Variants in GPR158 observed in about 807,000 individuals in gnomAD.
The protein encoded by GPR158 is metabotropic glycine receptor.
In GPR158, 30 loss-of-function variants were observed where a neutral mutation model predicts 78.2. The observed-to-expected ratio is 0.38, with a 90% confidence interval of 0.29 to 0.52. The LOEUF is 0.52. Among genes scored for constraint, GPR158 ranks in the 20% least tolerant of loss-of-function variants. GPR158 has a pLI of 0.83. For synonymous variants in GPR158, 581 were observed against 591.1 expected, an observed-to-expected ratio of 0.98 and a Z score of 0.25; for missense variants, 1,463 against 1,523.5, an observed-to-expected ratio of 0.96 and a Z score of 0.66.
At chr10:25,453,516 A>G (rs1336650293) in intron 4 of GPR158, among the ~76,000 whole-genome samples, 1 of 152,190 alleles carries the variant, frequency 6.6e-6, no homozygotes, top group Admixed American at 6.6e-5. Flanking sequence ...ACATTTTCAT[A>G]TACCAGTTGG....
At chr10:25,346,172 C>G (rs1855368393) in intron 2 of GPR158, among the ~76,000 whole-genome samples, 1 of 151,814 alleles carries the variant, frequency 6.6e-6, no homozygotes, top group Non-Finnish European at 1.5e-5. Context: ...AAAAGAGTAT[C>G]AAATAGCCAT....
chr10:25,331,752 A>G (rs1057107630), intron 2 of GPR158, among the ~76,000 whole-genome samples: 5 of 152,144 alleles, frequency 3.3e-5, no homozygotes, highest in Non-Finnish European at 5.9e-5. Flanking sequence ...TTTGTTCTCT[A>G]CATCAGGGCA....
intron 4 of GPR158, among the ~76,000 whole-genome samples, chr10:25,443,860 C>T (rs1835102564): frequency 6.6e-6 from 1 of 152,086 alleles, no homozygotes. Flanking sequence ...CAGACCTCAA[C>T]TCCTCCATCG....
At chr10:25,270,565 T>A (rs1038583021) in intron 2 of GPR158, among the ~76,000 whole-genome samples, 1 of 152,102 alleles carries the variant, frequency 6.6e-6, no homozygotes, top group Non-Finnish European at 1.5e-5. Flanking sequence ...CAAACTGATC[T>A]CACTAATGCC....
chr10:25,546,177 T>C (rs1346807222), intron 5 of GPR158, among the ~76,000 whole-genome samples: 1 of 152,136 alleles, frequency 6.6e-6, no homozygotes, highest in Non-Finnish European at 1.5e-5. Flanking sequence ...GCAGACACAG[T>C]GGAGATTAAT....
chr10:25,521,058 A>G (rs1211781868), intron 5 of GPR158, among the ~76,000 whole-genome samples: 1 of 152,200 alleles, frequency 6.6e-6, no homozygotes, highest in African/African-American at 2.4e-5. Flanking sequence ...TGTGGGATAT[A>G]GTCTCGTGGT....
At chr10:25,476,486 G>A (rs993166341) in intron 5 of GPR158, among the ~76,000 whole-genome samples, 1 of 147,108 alleles carries the variant, frequency 6.8e-6, no homozygotes, top group African/African-American at 2.5e-5. Flanking sequence ...TAATACTTAC[G>A]TTCAGGTTGT....
intron 2 of GPR158, among the ~76,000 whole-genome samples, chr10:25,245,500 C>T: frequency 6.6e-6 from 1 of 152,032 alleles, no homozygotes; most frequent in Non-Finnish European, 1.5e-5. Flanking sequence ...TCACATGAAA[C>T]TGAATTCTAG....
intron 7 of GPR158, among the ~76,000 whole-genome samples, chr10:25,576,794 CA>C (rs1449788855): frequency 6.6e-6 from 1 of 152,032 alleles, no homozygotes; most frequent in East Asian, 1.9e-4. Flanking sequence ...AGGTGTTAGG[CA>C]ATAACATTAG....
chr10:25,212,606 T>G (rs1321165071), intron 1 of GPR158, among the ~76,000 whole-genome samples: 1 of 148,904 alleles, frequency 6.7e-6, no homozygotes. Flanking sequence ...TATTCTTACT[T>G]AACTACTAGA....
chr10:25,374,582 C>G (rs1304613901), intron 2 of GPR158, among the ~76,000 whole-genome samples: 1 of 151,698 alleles, frequency 6.6e-6, no homozygotes, highest in Admixed American at 6.6e-5. Flanking sequence ...TTATGAATCC[C>G]TAACAACCAT....
At chr10:25,421,434 G>A (rs1834749885) in intron 4 of GPR158, among the ~76,000 whole-genome samples, 1 of 152,156 alleles carries the variant, frequency 6.6e-6, no homozygotes, top group Non-Finnish European at 1.5e-5. Flanking sequence ...CTAATGGTTA[G>A]AAGCCAAGAC....
intron 4 of GPR158, among the ~76,000 whole-genome samples, chr10:25,458,558 C>A (rs1835320015): frequency 6.6e-6 from 1 of 152,188 alleles, no homozygotes; most frequent in Admixed American, 6.5e-5. Flanking sequence ...TCTATCTGTA[C>A]TTGAAAGATT....
At chr10:25,366,415 C>T (rs562733612) in intron 2 of GPR158, among the ~76,000 whole-genome samples, 1 of 151,624 alleles carries the variant, frequency 6.6e-6, no homozygotes, top group African/African-American at 2.4e-5. Flanking sequence ...GATGACTGAG[C>T]ACTGGTTCTT....
At chr10:25,360,387 T>G (rs185551905) in intron 2 of GPR158, among the ~76,000 whole-genome samples, 14 of 152,344 alleles carry the variant, frequency 9.2e-5, no homozygotes, top group African/African-American at 3.4e-4. Context: ...GCTTTAGGTC[T>G]TATGTTTAAG....
chr10:25,387,556 C>T (rs796769627), intron 2 of GPR158, among the ~76,000 whole-genome samples: 1 of 149,698 alleles, frequency 6.7e-6, no homozygotes, highest in East Asian at 2.0e-4. Flanking sequence ...TGCTCTGTCA[C>T]CCAGGCTGGA....
Position 25,241,339 on chromosome 10 carries a change from TTC to T in GPR158, c.1008+20186_1008+20187del, listed in dbSNP as rs1489957083. On this transcript the variant is annotated intron_variant, in intron 2 of 10. Coordinates refer to ENST00000376351, the MANE Select transcript of GPR158 (RefSeq NM_020752.3). ...CTCTTCTCTTCTCTTCTCTTCTCTT[TTC>T]TCTTTTCTCTTTTCTTTTCTCTTTT... Among the ~76,000 whole-genome samples, 77 of 87,884 alleles carry T rather than the reference TTC, an allele frequency of 8.8e-4. 1 individual carries two copies. The highest frequency in any genetic ancestry group is 1.1e-3 in the Non-Finnish European group (53 of 47,058). The allele number at this position is 87,884 out of a possible 152,430, so 57.7% of individuals were successfully genotyped here.
intron 2 of GPR158, 108 bp from the exon 3 acceptor site, chr10:25,395,803 G>T: frequency 1.9e-6 from 1 of 524,888 alleles, no homozygotes; most frequent in Non-Finnish European, 3.5e-6. Context: ...TTTATTTCTG[G>T]AAAATGTGTT....
chr10:25,333,762 A>G (rs1372377113), intron 2 of GPR158, among the ~76,000 whole-genome samples: 1 of 152,172 alleles, frequency 6.6e-6, no homozygotes, highest in Non-Finnish European at 1.5e-5. Flanking sequence ...TTATTCTCAA[A>G]GGACATAGTG....
Sources: gnomAD v4.1 joint callset for allele counts (sites outside exome capture counted in the v4.1 genomes callset) on GRCh38, gnomAD v4.1.1 for gene constraint, MANE v1.5 for transcripts, NCBI Gene and HGNC (gene_info 2026-07-23, HGNC 2026-07-21) for gene names.